NHEJ1: variants seen among roughly 807,000 people sequenced by gnomAD.
NHEJ1 encodes non-homologous end joining factor 1, also known as non-homologous end-joining factor 1.
NHEJ1 carries 22 observed loss-of-function variants against 39.4 expected under a neutral mutation model. The ratio of observed to expected loss-of-function variants is 0.56; its 90% CI spans 0.40 to 0.80. NHEJ1 has a LOEUF of 0.80. Ranked by LOEUF, NHEJ1 falls within the 30% of genes least tolerant of loss-of-function variation. The pLI, the probability that NHEJ1 is intolerant of heterozygous loss-of-function variation, is 0.00. For missense variants in NHEJ1, 329 were observed against 357.1 expected (o/e 0.92, Z 0.63); for synonymous variants, 154 against 135.6 (o/e 1.14, Z -0.94).
At chr2:219,147,829 C>T (rs777703611) in intron 3 of NHEJ1, 34 bp from the exon 4 acceptor site, 2 of 1,612,002 alleles carry the variant, frequency 1.2e-6, no homozygotes, top group Non-Finnish European at 8.5e-7. Context: ...AGCCAAAAGA[C>T]TCTTATAAAG....
chr2:219,102,711 A>T (rs1949274718), intron 5 of NHEJ1: 1 of 144,146 alleles, frequency 6.9e-6, no homozygotes, highest in South Asian at 2.2e-4. Context: ...TGGGCAACAT[A>T]AAAAAAAAAA....
rs1412541486 is a variant in NHEJ1, at chr2:219,071,789, C to T, written c.*4592G>A. On this transcript the variant is annotated 3_prime_UTR_variant, in exon 8 of 8. Coordinates refer to ENST00000356853, the MANE Select transcript of NHEJ1 (RefSeq NM_024782.3). ...GCTTCTTCCGGGTTCCCCTGGTAGG[C>T]TGGCCCAGATTCTTGAGAACCCATA... 6.6e-6 allele frequency among the ~76,000 whole-genome samples: 1 copy of T among 152,216 alleles called. No individual in the cohort carries two copies. Among genetic ancestry groups the T allele is most frequent in the African/African-American group, 2.4e-5 (1 of 41,450 alleles).
intron 5 of NHEJ1, among the ~76,000 whole-genome samples, chr2:219,130,083 C>CA (rs900180992): frequency 4.0e-5 from 6 of 149,972 alleles, no homozygotes; most frequent in Non-Finnish European, 8.8e-5. Flanking sequence ...ATAACTAAGC[C>CA]AGGCACATCC....
intron 3 of NHEJ1, among the ~76,000 whole-genome samples, chr2:219,155,000 A>G (rs974389726): frequency 5.4e-5 from 8 of 148,224 alleles, no homozygotes; most frequent in Non-Finnish European, 1.2e-4. Flanking sequence ...AATCTATAAT[A>G]TAGATATACT....
Position 219,107,991 on chromosome 2 carries a change from C to T in NHEJ1, c.589-29785G>A, listed in dbSNP as rs1306637397. Among the ~76,000 whole-genome samples, 3 of 151,992 alleles carry T rather than the reference C, an allele frequency of 2.0e-5. No homozygotes were observed. In the South Asian group the frequency reaches 6.2e-4, roughly 32 times the overall value. On this transcript the variant is annotated intron_variant, in intron 5 of 7. Coordinates refer to ENST00000356853, the MANE Select transcript of NHEJ1 (RefSeq NM_024782.3). Reference sequence around the variant, plus strand: ...AAACGCGGCTAGTCTGGCTGGGCTTCGAGTCCGCTCAGCGACTGCGCCATG... The same window carrying T: ...AAACGCGGCTAGTCTGGCTGGGCTTTGAGTCCGCTCAGCGACTGCGCCATG...
Position 219,076,085 on chromosome 2 carries a change from T to C in NHEJ1, c.*296A>G. Reference sequence around the variant, plus strand: ...AGGTAGACAAGGCTTCCTGAGTGTGTGGTGCTTTCTTGCTGACTTGCCCTA... The same window carrying C: ...AGGTAGACAAGGCTTCCTGAGTGTGCGGTGCTTTCTTGCTGACTTGCCCTA... On this transcript the variant is annotated 3_prime_UTR_variant, in exon 8 of 8. Coordinates refer to ENST00000356853, the MANE Select transcript of NHEJ1 (RefSeq NM_024782.3). 1 of 558,266 alleles carries C rather than the reference T, an allele frequency of 1.8e-6. No individual in the cohort carries two copies. The highest frequency in any genetic ancestry group is 2.6e-5 in the South Asian group (1 of 37,964). The allele number at this position is 558,266 out of a possible 1,614,324, so 34.6% of individuals were successfully genotyped here.
chr2:219,104,141 C>T (rs546915058), intron 5 of NHEJ1, among the ~76,000 whole-genome samples: 12 of 152,064 alleles, frequency 7.9e-5, no homozygotes, highest in East Asian at 3.9e-4. Flanking sequence ...TCAGGGTCAC[C>T]GCACTGCATG....
intron 5 of NHEJ1, among the ~76,000 whole-genome samples, chr2:219,092,293 C>CA (rs58005993): frequency 0.01 from 1,146 of 111,706 alleles, 7 homozygotes; most frequent in African/African-American, 0.017. Context: ...GACACTGCCT[C>CA]AAAAAAAAAA....
At chr2:219,121,475 C>T (rs1574724822) in intron 5 of NHEJ1, among the ~76,000 whole-genome samples, 3 of 152,236 alleles carry the variant, frequency 2.0e-5, no homozygotes, top group South Asian at 4.2e-4. Context: ...CCTATGTCCA[C>T]CTCTTTTATT....
In NHEJ1 at chr2:219,080,546, TAA is replaced by T. The variant is rs770621909; in HGVS notation, c.589-2342_589-2341del. On this transcript the variant is annotated intron_variant, in intron 5 of 7. Coordinates refer to ENST00000356853, the MANE Select transcript of NHEJ1 (RefSeq NM_024782.3). ...TCTTAAAAAAAAATAAATAAATAAA[TAA>T]AAATATATATATATATATATGCTTT... Among the ~76,000 whole-genome samples the T allele has an allele frequency of 3.4e-3, 457 of 134,788 alleles. 23 individuals carry two copies. Among genetic ancestry groups the T allele is most frequent in the African/African-American group, 0.014 (441 of 32,116 alleles). The allele number at this position is 134,788 out of a possible 152,430, so 88.4% of individuals were successfully genotyped here.
At chr2:219,094,604 T>C (rs932732077) in intron 5 of NHEJ1, among the ~76,000 whole-genome samples, 3 of 152,162 alleles carry the variant, frequency 2.0e-5, no homozygotes, top group African/African-American at 7.2e-5. Context: ...CTAGGTGTAG[T>C]ACATCTCACA....
intron 5 of NHEJ1, 127 bp downstream of exon 5, chr2:219,146,553 C>G: frequency 1.2e-6 from 1 of 802,508 alleles, no homozygotes; most frequent in Non-Finnish European, 2.3e-6. Flanking sequence ...TTTCTATGGG[C>G]AACTTTTTCA....
rs751787443 is a variant in NHEJ1, at chr2:219,157,569, T to G, written c.293A>C (p.Asp98Ala). Reference protein sequence around the residue: ...AHPSEATFSCDCVADALILRV... With the variant: ...AHPSEATFSCACVADALILRV... Reference sequence around the variant, plus strand: ...TAGAATCAGTGCATCTGCCACACAATCACAGGAGAAGGTAGCTTCGCTAGG... The same window carrying G: ...TAGAATCAGTGCATCTGCCACACAAGCACAGGAGAAGGTAGCTTCGCTAGG... The change falls in exon 3 of 8, where the codon GAT (aspartate) becomes GCT (alanine). Residue 98 changes from aspartate (D) to alanine (A), a missense_variant. Transcript: ENST00000356853. 1 of 1,614,080 alleles carries G rather than the reference T, an allele frequency of 6.2e-7. No homozygotes were observed. The highest frequency in any genetic ancestry group is 8.5e-7 in the Non-Finnish European group (1 of 1,180,028).
chr2:219,080,022 T>C (rs1263549551), intron 5 of NHEJ1, among the ~76,000 whole-genome samples: 1 of 152,146 alleles, frequency 6.6e-6, no homozygotes, highest in Non-Finnish European at 1.5e-5. Flanking sequence ...TTCATCAATT[T>C]TTCAGGGCGA....
intron 5 of NHEJ1, among the ~76,000 whole-genome samples, chr2:219,089,433 C>T (rs1299291803): frequency 1.3e-5 from 2 of 152,162 alleles, no homozygotes; most frequent in African/African-American, 4.8e-5. Flanking sequence ...CTGATATTCG[C>T]TTTAATACAT....
Position 219,075,103 on chromosome 2 carries a change from T to C in NHEJ1, c.*1278A>G, listed in dbSNP as rs1049194101. On this transcript the variant is annotated 3_prime_UTR_variant, in exon 8 of 8. Coordinates refer to ENST00000356853, the MANE Select transcript of NHEJ1 (RefSeq NM_024782.3). ...TCTGGAAAATAAATGTTTTCATTAG[T>C]GTATATAATAATGCTGTTAAGAACT... Among the ~76,000 whole-genome samples, 1 of 152,210 alleles carries C rather than the reference T, an allele frequency of 6.6e-6. No individual in the cohort carries two copies. Among genetic ancestry groups the C allele is most frequent in the African/African-American group, 2.4e-5 (1 of 41,444 alleles).
intron 3 of NHEJ1, among the ~76,000 whole-genome samples, chr2:219,153,546 C>T (rs1237600133): frequency 1.3e-5 from 2 of 152,094 alleles, no homozygotes; most frequent in African/African-American, 4.8e-5. Context: ...GTGTTAGAAC[C>T]CAGAGACCTG....
At chr2:219,089,094 C>T (rs2106326737) in intron 5 of NHEJ1, among the ~76,000 whole-genome samples, 1 of 152,320 alleles carries the variant, frequency 6.6e-6, no homozygotes, top group African/African-American at 2.4e-5. Context: ...GCTCGGATTA[C>T]AGGCATGAGC....
chr2:219,104,029 CCAAA>C (rs1311126534), intron 5 of NHEJ1, among the ~76,000 whole-genome samples: 6 of 152,066 alleles, frequency 3.9e-5, no homozygotes, highest in African/African-American at 1.4e-4. Context: ...TTATTCTTAC[CCAAA>C]CATTTTTTTT....
Sources: allele counts gnomAD v4.1 joint callset (sites outside exome capture counted in the v4.1 genomes callset), GRCh38; gene constraint gnomAD v4.1.1; transcripts MANE v1.5; gene names NCBI Gene and HGNC (gene_info 2026-07-23, HGNC 2026-07-21).